AMPD1: variants seen among roughly 807,000 people sequenced by gnomAD.
AMPD1 encodes AMP deaminase 1.
Under a neutral mutation model 82.9 loss-of-function variants are expected in AMPD1, and 74 were observed. The observed-to-expected ratio is 0.89, with a 90% CI of 0.74 to 1.08. The LOEUF (loss-of-function observed/expected upper bound fraction) is 1.08. Ranked by LOEUF, AMPD1 falls within the 50% of genes least tolerant of loss-of-function variation. The pLI, the probability that AMPD1 is intolerant of heterozygous loss-of-function variation, is 0.00. For missense variants in AMPD1, 881 were observed against 924.5 expected (o/e 0.95, Z 0.61); for synonymous variants, 333 against 320.5 (o/e 1.04, Z -0.42).
intron 3 of AMPD1, among the ~76,000 whole-genome samples, chr1:114,688,067 C>A (rs1658371668): frequency 6.6e-6 from 1 of 152,214 alleles, no homozygotes; most frequent in Admixed American, 6.5e-5. Context: ...CCACTGCTTT[C>A]TTCTTTTTTC....
At chr1:114,676,053 T>C (rs180719432) in intron 10 of AMPD1, 50 bp from the exon 11 acceptor site, 4 of 1,598,720 alleles carry the variant, frequency 2.5e-6, no homozygotes, top group Non-Finnish European at 2.6e-6. Context: ...TTTTTAGGAC[T>C]GATAGCCCCA....
At chr1:114,673,558 A>G in intron 15 of AMPD1, 81 bp downstream of exon 15, 9 of 1,148,628 alleles carry the variant, frequency 7.8e-6, no homozygotes, top group South Asian at 7.5e-5. Context: ...ATTTTTCTAC[A>G]TGTGTTTCCC....
chr1:114,677,487 T>C lies in AMPD1; in HGVS notation c.1252A>G (p.Lys418Glu), dbSNP rs748154823. The change falls in exon 10 of 16, where the codon AAG (lysine) becomes GAG (glutamate). Residue 418 changes from lysine to glutamate, a missense_variant. Coordinates refer to ENST00000520113, the MANE Select transcript of AMPD1 (RefSeq NM_000036.3). ...AGGCGGGGCTCAGCATGCTGGTACTTGGCCTCCACCAGGTCCGCACCTACC... is the reference window on the plus strand; with the variant it reads ...AGGCGGGGCTCAGCATGCTGGTACTCGGCCTCCACCAGGTCCGCACCTACC... Reference protein sequence around the residue: ...KEVGADLVEAKYQHAEPRLSI... With the variant: ...KEVGADLVEAEYQHAEPRLSI... 4 of 1,613,428 alleles carry C rather than the reference T, an allele frequency of 2.5e-6. No individual in the cohort carries two copies. In the African/African-American group the frequency reaches 5.4e-5, roughly 22 times the overall value.
intron 9 of AMPD1, 111 bp downstream of exon 9, chr1:114,677,799 C>CATTCCTTCCT (rs1557969503): frequency 2.0e-6 from 1 of 508,814 alleles, no homozygotes; most frequent in Non-Finnish European, 3.4e-6. Flanking sequence ...CCCTCTCTCC[C>CATTCCTTCCT]TCCTTCCTTC....
chr1:114,676,041 GA>G (rs1209218468), intron 10 of AMPD1, 38 bp from the exon 11 acceptor site: 1 of 1,609,590 alleles, frequency 6.2e-7, no homozygotes, highest in Admixed American at 1.7e-5. Context: ...GAGAAAAAAA[GA>G]TTTTTAGGAC....
At chr1:114,688,452 G>T in intron 3 of AMPD1, 109 bp downstream of exon 3, 1 of 1,313,126 alleles carries the variant, frequency 7.6e-7, no homozygotes, top group Non-Finnish European at 1.1e-6. Flanking sequence ...CTCTGGCAGA[G>T]TTCTTCCTCT....
At chr1:114,691,348 G>T (rs1294999575) in intron 2 of AMPD1, among the ~76,000 whole-genome samples, 5 of 127,354 alleles carry the variant, frequency 3.9e-5, no homozygotes, top group African/African-American at 1.5e-4. Flanking sequence ...GAGGCCAGGA[G>T]TTCAAGACTT....
intron 4 of AMPD1, 64 bp downstream of exon 4, chr1:114,686,681 A>T (rs912126248): frequency 1.7e-5 from 27 of 1,558,366 alleles, no homozygotes; most frequent in Non-Finnish European, 2.2e-5. Flanking sequence ...GAAGGCAAGG[A>T]GCTAGAACTG....
Position 114,686,844 on chromosome 1 carries a change from G to A in AMPD1, c.282C>T (p.Thr94=). 6.2e-7 allele frequency: 1 copy of A among 1,614,122 alleles called. No homozygotes were observed. Among genetic ancestry groups the A allele is most frequent in the Non-Finnish European group, 8.5e-7 (1 of 1,180,018 alleles). Residue 94 remains threonine, a synonymous_variant, in exon 4 of 16, where the codon ACC becomes ACT. Transcript: ENST00000520113. ...LSIPLSETSS[T]KLSHIDEYIS... ...TGTATTCATCAATGTGGGACAGTTT[G>A]GTGGAAGATGTTTCACTTAGTGGAA...
In AMPD1 at chr1:114,677,463, G is replaced by C. The variant is rs1658021879; in HGVS notation, c.1276C>G (p.Leu426Val). The C allele has an allele frequency of 1.2e-6, 2 of 1,613,282 alleles. No homozygotes were observed. The highest frequency in any genetic ancestry group is 2.2e-5 in the East Asian group (1 of 44,824). ...EAKYQHAEPR[L>V]SIYGRSPDEW... is the part of the protein sequence containing the mutation. ...TCAGGACTGCGGCCATAGATGGACAGGCGGGGCTCAGCATGCTGGTACTTG... is the reference window on the plus strand; with the variant it reads ...TCAGGACTGCGGCCATAGATGGACACGCGGGGCTCAGCATGCTGGTACTTG... Residue 426 changes from leucine (L) to valine (V), a missense_variant, in exon 10 of 16, where the codon CTG becomes GTG. Physicochemically the swap from Leu to Val is conservative, Grantham distance 32. Transcript: ENST00000520113.
rs745489756 is a variant in AMPD1 at position 114,673,188 on chromosome 1, G to A, written c.2170C>T (p.Arg724Cys). The change falls in exon 16 of 16, where the codon CGC becomes TGC. Residue 724 changes from arginine to cysteine, a missense_variant. Transcript: ENST00000520113. ...DIRRTNVAQIRMAYRYETWCY... is the reference protein window; with the variant it reads ...DIRRTNVAQICMAYRYETWCY... ...CAGGTTTCATAGCGATAGGCCATGC[G>A]GATTTGGGCTACATTTGTCCTCCGG... The A allele has an allele frequency of 1.9e-5, 30 of 1,613,916 alleles. No homozygotes were observed. The Admixed American group carries it at 3.3e-4, about 18-fold the overall frequency.
chr1:114,680,946 C>A (rs530138772), intron 5 of AMPD1, among the ~76,000 whole-genome samples: 1 of 151,876 alleles, frequency 6.6e-6, no homozygotes. Context: ...CCAGCCTAGG[C>A]GACAGAGGGA....
intron 1 of AMPD1, among the ~76,000 whole-genome samples, chr1:114,693,891 C>T (rs536031873): frequency 6.6e-5 from 10 of 152,202 alleles, no homozygotes; most frequent in Admixed American, 6.5e-4. Context: ...GTTATCAGAA[C>T]ATACTTATAC....
At chr1:114,682,133 T>A (rs1003434001) in intron 5 of AMPD1, among the ~76,000 whole-genome samples, 2 of 152,192 alleles carry the variant, frequency 1.3e-5, no homozygotes, top group Non-Finnish European at 2.9e-5. Flanking sequence ...TGGTCATTTA[T>A]GCCTCTTCAC....
chr1:114,691,245 T>C (rs1658506609), intron 2 of AMPD1, among the ~76,000 whole-genome samples: 1 of 152,160 alleles, frequency 6.6e-6, no homozygotes, highest in Non-Finnish European at 1.5e-5. Flanking sequence ...TCAAGAGTTC[T>C]GCCTTTCAAA....
chr1:114,695,219 T>G lies in AMPD1; in HGVS notation c.22+231A>C, dbSNP rs2101729827. On this transcript the variant is annotated intron_variant, in intron 1 of 15. Coordinates refer to ENST00000520113, the MANE Select transcript of AMPD1 (RefSeq NM_000036.3). ...TTCACAGAGTTTTCTACTGGGATCA[T>G]CAAAGATGCAATATACATGATAACA... Among the ~76,000 whole-genome samples the G allele has an allele frequency of 2.0e-5, 3 of 152,224 alleles. 1 individual carries two copies. In the South Asian group the frequency reaches 6.2e-4, roughly 32 times the overall value.
chr1:114,691,793 C>T (rs187383084), intron 2 of AMPD1, among the ~76,000 whole-genome samples: 1 of 152,170 alleles, frequency 6.6e-6, no homozygotes, highest in East Asian at 1.9e-4. Context: ...GGTGTGGTGG[C>T]ACGTGCCTGT....
chr1:114,686,561 T>A (rs1334987453), intron 4 of AMPD1, among the ~76,000 whole-genome samples, 184 bp downstream of exon 4: 1 of 152,176 alleles, frequency 6.6e-6, no homozygotes, highest in African/African-American at 2.4e-5. Flanking sequence ...TTATGTGGGA[T>A]GATAAAAACA....
intron 2 of AMPD1, among the ~76,000 whole-genome samples, chr1:114,690,860 A>C (rs1053704441): frequency 6.6e-6 from 1 of 152,154 alleles, no homozygotes; most frequent in Non-Finnish European, 1.5e-5. Flanking sequence ...AGTTGGTTAT[A>C]AAGATGAGAA....
Sources: allele counts gnomAD v4.1 joint callset (sites outside exome capture counted in the v4.1 genomes callset), GRCh38; gene constraint gnomAD v4.1.1; transcripts MANE v1.5; gene names NCBI Gene and HGNC (gene_info 2026-07-23, HGNC 2026-07-21).